SLC24A2: variants seen among roughly 807,000 people sequenced by gnomAD.
SLC24A2 encodes the protein sodium/potassium/calcium exchanger 2.
Under a neutral mutation model 62.0 loss-of-function variants are expected in SLC24A2, and 36 were observed. The observed-to-expected ratio is 0.58, with a 90% CI of 0.44 to 0.77. The LOEUF is 0.77. Among genes scored for constraint, SLC24A2 ranks in the 30% least tolerant of loss-of-function variants. The pLI, the probability that SLC24A2 is intolerant of heterozygous loss-of-function variation, is 0.00. For synonymous variants in SLC24A2, 358 were observed against 294.0 expected, an observed-to-expected ratio of 1.22 and a Z score of -2.23; for missense variants, 846 against 817.9, an observed-to-expected ratio of 1.03 and a Z score of -0.42.
chr9:19,513,154 A>ATATATATATATATATATATATG lies in SLC24A2; in HGVS notation c.*2977_*2998dup, dbSNP rs144279131. 1.1e-5 allele frequency: 1 copy of ATATATATATATATATATATATG among 93,634 alleles called. No homozygotes were observed. The highest frequency in any genetic ancestry group is 2.0e-5 in the Non-Finnish European group (1 of 49,928). 5.8% of individuals were successfully genotyped at this position (93,634 alleles called of 1,614,324 possible). ...GTGTACATATAGATCTGGTATAAAG[A>ATATATATATATATATATATATG]TATATATATATATATATATATGTAT... On this transcript the variant is annotated 3_prime_UTR_variant, in exon 11 of 11. Transcript: ENST00000341998.
Position 19,706,798 on chromosome 9 carries a change from A to C in SLC24A2, c.930+79139T>G, listed in dbSNP as rs1693391915. ...TATAGCAATAAATGCCCACAAGAGA[A>C]AGCAGGAAAGATCCAAAATTGACAC... is the stretch of plus-strand genomic sequence containing the variant. On this transcript the variant is annotated intron_variant, in intron 2 of 10. Transcript: ENST00000341998. Among the ~76,000 whole-genome samples, 3 of 152,164 alleles carry C rather than the reference A, an allele frequency of 2.0e-5. No homozygotes were observed. The South Asian group carries it at 6.2e-4, about 32-fold the overall frequency.
the SLC24A2 span, among the ~76,000 whole-genome samples, chr9:19,924,784 G>A: frequency 2.0e-5 from 3 of 152,212 alleles, no homozygotes; most frequent in African/African-American, 7.2e-5. Flanking sequence ...CTTCACCAAA[G>A]TAACCACCAA....
chr9:19,535,639 G>A (rs574229800), intron 8 of SLC24A2, among the ~76,000 whole-genome samples: 2 of 152,238 alleles, frequency 1.3e-5, no homozygotes, highest in Non-Finnish European at 2.9e-5. Flanking sequence ...TTTTTGTCAG[G>A]TTTGTCAAAG....
the SLC24A2 span, among the ~76,000 whole-genome samples, chr9:20,080,570 A>G: frequency 2.6e-5 from 4 of 152,114 alleles, no homozygotes; most frequent in Non-Finnish European, 5.9e-5. Context: ...GGCATGGGCA[A>G]GGACTTCTTG....
chr9:20,260,240 G>A, the SLC24A2 span, among the ~76,000 whole-genome samples: 1 of 152,168 alleles, frequency 6.6e-6, no homozygotes, highest in Non-Finnish European at 1.5e-5. Context: ...ATGGAATAAT[G>A]CAGCAAGAAA....
the SLC24A2 span, among the ~76,000 whole-genome samples, chr9:20,071,842 T>G: frequency 6.6e-6 from 1 of 152,120 alleles, no homozygotes; most frequent in Non-Finnish European, 1.5e-5. Flanking sequence ...TTGGGGTTCC[T>G]ACAACCTCCT....
At chr9:20,165,989 A>C in the SLC24A2 span, among the ~76,000 whole-genome samples, 3 of 152,080 alleles carry the variant, frequency 2.0e-5, no homozygotes, top group African/African-American at 7.2e-5. Context: ...AAAAGACATG[A>C]GCAAAAAATT....
At chr9:19,949,854 C>A in the SLC24A2 span, among the ~76,000 whole-genome samples, 2 of 152,184 alleles carry the variant, frequency 1.3e-5, no homozygotes, top group African/African-American at 4.8e-5. Flanking sequence ...TATCCCACAA[C>A]CCTGGACTGC....
At chr9:19,654,861 A>ACT (rs1818901139) in intron 2 of SLC24A2, among the ~76,000 whole-genome samples, 1 of 152,178 alleles carries the variant, frequency 6.6e-6, no homozygotes, top group African/African-American at 2.4e-5. Context: ...TGCAAGCATC[A>ACT]GTGTTCACTG....
chr9:19,840,515 GA>G, the SLC24A2 span, among the ~76,000 whole-genome samples: 1 of 152,132 alleles, frequency 6.6e-6, no homozygotes, highest in African/African-American at 2.4e-5. Context: ...GATTTCTGGG[GA>G]ATGACCTTGA....
chr9:19,787,580 G>T (rs1823212591), intron 1 of SLC24A2, among the ~76,000 whole-genome samples: 1 of 152,118 alleles, frequency 6.6e-6, no homozygotes, highest in Non-Finnish European at 1.5e-5. Context: ...CACACATAAT[G>T]ATATCAGATC....
At chr9:19,778,109 A>G (rs1822899919) in intron 2 of SLC24A2, among the ~76,000 whole-genome samples, 1 of 152,226 alleles carries the variant, frequency 6.6e-6, no homozygotes, top group East Asian at 1.9e-4. Flanking sequence ...TGTATGCATT[A>G]TCTTTTGAGA....
rs200223644 is a variant in SLC24A2 at position 19,550,158 on chromosome 9, C to A, written c.1458G>T (p.Thr486=). Residue 486 remains threonine, a synonymous_variant, in exon 8 of 11, where the codon ACG becomes ACT. Coordinates refer to ENST00000341998, the MANE Select transcript of SLC24A2 (RefSeq NM_020344.4). ...TTACAGGTTTGCGAACGTCAGGTAACGTAATCCAGAGAGGAAACACTATGG... is the reference window on the plus strand; with the variant it reads ...TTACAGGTTTGCGAACGTCAGGTAAAGTAATCCAGAGAGGAAACACTATGG... The part of the protein sequence containing the change: ...VFPIVFPLWI[T]LPDVRKPSSR... 1.2e-6 allele frequency: 2 copies of A among 1,614,002 alleles called. No individual in the cohort carries two copies. The highest frequency in any genetic ancestry group is 1.7e-6 in the Non-Finnish European group (2 of 1,179,964).
chr9:19,692,861 G>A (rs899624461), intron 2 of SLC24A2, among the ~76,000 whole-genome samples: 10 of 152,066 alleles, frequency 6.6e-5, no homozygotes, highest in Non-Finnish European at 1.0e-4. Context: ...ATGACCAAAC[G>A]TTTACAATTA....
At chr9:20,048,891 TC>T in the SLC24A2 span, among the ~76,000 whole-genome samples, 1 of 151,760 alleles carries the variant, frequency 6.6e-6, no homozygotes, top group African/African-American at 2.4e-5. Context: ...TTTTCTTCTT[TC>T]CGCTTTTTTT....
Position 19,785,993 on chromosome 9 carries a change from G to C in SLC24A2, c.874C>G (p.Gln292Glu). 6.2e-7 allele frequency: 1 copy of C among 1,614,150 alleles called. No individual in the cohort carries two copies. Among genetic ancestry groups the C allele is most frequent in the South Asian group, 1.1e-5 (1 of 91,088 alleles). ...ACGACCTTATTGCGGTTTATCATTT[G>C]CTTCACCCATTTTTCTACTTGGACG... ...FNVQVEKWVK[Q>E]MINRNKVVKV... The change falls in exon 2 of 11, where the codon CAA becomes GAA. Residue 292 changes from glutamine (Q) to glutamate (E), a missense_variant. Physicochemically the swap from Gln to Glu is conservative, Grantham distance 29. Coordinates refer to ENST00000341998, the MANE Select transcript of SLC24A2 (RefSeq NM_020344.4).
chr9:20,045,938 C>T, the SLC24A2 span, among the ~76,000 whole-genome samples: 3 of 152,086 alleles, frequency 2.0e-5, no homozygotes. Flanking sequence ...GCCACACTCC[C>T]CACATATGGA....
chr9:19,653,274 T>C (rs1220727034), intron 2 of SLC24A2, among the ~76,000 whole-genome samples: 9 of 152,238 alleles, frequency 5.9e-5, no homozygotes, highest in Non-Finnish European at 1.2e-4. Flanking sequence ...CTGTAGCTCA[T>C]TGACGTTCTG....
At chr9:19,718,421 T>C (rs1250506655) in intron 2 of SLC24A2, among the ~76,000 whole-genome samples, 1 of 149,018 alleles carries the variant, frequency 6.7e-6, no homozygotes, top group Non-Finnish European at 1.5e-5. Flanking sequence ...GCCTCCTGAG[T>C]AGCTGAGACT....
Sources: allele counts gnomAD v4.1 joint callset (sites outside exome capture counted in the v4.1 genomes callset), GRCh38; gene constraint gnomAD v4.1.1; transcripts MANE v1.5; gene names NCBI Gene and HGNC (gene_info 2026-07-23, HGNC 2026-07-21).